NFIX: variants seen among roughly 807,000 people sequenced by gnomAD.
NFIX encodes nuclear factor 1 X-type.
In NFIX, 2 loss-of-function variants were observed where a neutral mutation model predicts 53.3. The observed-to-expected ratio is 0.04, with a 90% CI of 0.02 to 0.12. The LOEUF is 0.12. Among genes scored for constraint, NFIX ranks in the 10% least tolerant of loss-of-function variants. The probability of loss-of-function intolerance (pLI) is 1.00; values close to 1 mark genes in which losing one functional copy is unlikely to be tolerated. For synonymous variants in NFIX, 244 were observed against 289.0 expected, an observed-to-expected ratio of 0.84 and a Z score of 1.58; for missense variants, 310 against 674.5, an observed-to-expected ratio of 0.46 and a Z score of 5.99.
intron 1 of NFIX, among the ~76,000 whole-genome samples, chr19:13,015,916 T>G (rs555260216): frequency 6.6e-6 from 1 of 152,338 alleles, no homozygotes; most frequent in South Asian, 2.1e-4. Flanking sequence ...ATAACACGTG[T>G]ATGCACATAG....
Position 13,067,731 on chromosome 19 carries a change from A to G in NFIX, c.560-5316A>G, listed in dbSNP as rs2016511797. On this transcript the variant is annotated intron_variant, in intron 2 of 10. Transcript: ENST00000592199. The surrounding 1 kb of genome is among the most constrained non-coding windows in gnomAD (Gnocchi z 4.2). ...AGGAGCTGAGGGCAGTGTTGGCTGT[A>G]GCCAGCAGGAATTCCTCCCTCACCC... 6.6e-6 allele frequency among the ~76,000 whole-genome samples: 1 copy of G among 152,128 alleles called. No homozygotes were observed. The highest frequency in any genetic ancestry group is 2.4e-5 in the African/African-American group (1 of 41,420).
At chr19:13,044,172 C>G (rs2014830015) in intron 2 of NFIX, among the ~76,000 whole-genome samples, 1 of 152,174 alleles carries the variant, frequency 6.6e-6, no homozygotes, top group Non-Finnish European at 1.5e-5. Flanking sequence ...CCACAAGAGG[C>G]TTTTGAATTG....
At chr19:13,004,348 A>C (rs1320575669) in intron 1 of NFIX, among the ~76,000 whole-genome samples, 3 of 152,044 alleles carry the variant, frequency 2.0e-5, no homozygotes, top group African/African-American at 7.3e-5. Context: ...AGTGTCACAC[A>C]CACACACTCT....
rs1020330663 is a variant in NFIX at position 13,002,602 on chromosome 19, G to T, written c.27+6738G>T. 5.9e-5 allele frequency among the ~76,000 whole-genome samples: 9 copies of T among 152,210 alleles called. No individual in the cohort carries two copies. Among genetic ancestry groups the T allele is most frequent in the Admixed American group, 5.9e-4 (9 of 15,294 alleles). ...GAGGGGTCGGGGGCACGGAGCTGGG[G>T]TGTCTGGCTTCTGGTGGGGCTGGCA... On this transcript the variant is annotated intron_variant, in intron 1 of 10. Transcript: ENST00000592199. This position sits in a 1 kb window ranked among gnomAD's most constrained non-coding sequence, Gnocchi z 6.1.
intron 8 of NFIX, among the ~76,000 whole-genome samples, chr19:13,086,391 G>A (rs1053879723): frequency 6.6e-6 from 1 of 152,216 alleles, no homozygotes; most frequent in Non-Finnish European, 1.5e-5. Context: ...AGACATGGCT[G>A]TGAATTCCAG....
At position 12,996,270 on chromosome 19, in the gene NFIX, G is replaced by T. The variant is rs559039441; in HGVS notation, c.27+406G>T. Among the ~76,000 whole-genome samples the T allele has an allele frequency of 2.6e-5, 4 of 152,182 alleles. No homozygotes were observed. Among genetic ancestry groups the T allele is most frequent in the African/African-American group, 9.6e-5 (4 of 41,550 alleles). ...GCGTGGTCGCTGGCAGTGTTTGCGGGGTTGACAGAGTGGCAAGAGGGTGGT... is the reference window on the plus strand; with the variant it reads ...GCGTGGTCGCTGGCAGTGTTTGCGGTGTTGACAGAGTGGCAAGAGGGTGGT... On this transcript the variant is annotated intron_variant, in intron 1 of 10. Coordinates refer to ENST00000592199, the MANE Select transcript of NFIX (RefSeq NM_001365902.3). The surrounding 1 kb of genome is among the most constrained non-coding windows in gnomAD (Gnocchi z 5.2).
At position 13,009,229 on chromosome 19, in the gene NFIX, C is replaced by T. The variant is rs1257665112; in HGVS notation, c.27+13365C>T. 6.6e-6 allele frequency among the ~76,000 whole-genome samples: 1 copy of T among 152,278 alleles called. No homozygotes were observed. The highest frequency in any genetic ancestry group is 1.5e-5 in the Non-Finnish European group (1 of 68,026). ...GCCAGCCTCACGCGATCACACCAAG[C>T]GTCACAGCTTGTCACAGCCATAGAT... On this transcript the variant is annotated intron_variant, in intron 1 of 10. Coordinates refer to ENST00000592199, the MANE Select transcript of NFIX (RefSeq NM_001365902.3). The surrounding 1 kb of genome is among the most constrained non-coding windows in gnomAD (Gnocchi z 4.7).
rs779230916 is a variant in NFIX at position 13,078,607 on chromosome 19, C to T, written c.956-6C>T. 1 of 1,598,330 alleles carries T rather than the reference C, an allele frequency of 6.3e-7. No homozygotes were observed. On this transcript the variant is annotated splice_region_variant and splice_polypyrimidine_tract_variant and intron_variant, in intron 6 of 10. Transcript: ENST00000592199. This position sits in a 1 kb window ranked among gnomAD's most constrained non-coding sequence, Gnocchi z 4.7. ...CCTGCCCTGTGTTGCTGCTTCCTCCCCCCAGGCCCGGCTTCTCTAAAGAAG... is the reference window on the plus strand; with the variant it reads ...CCTGCCCTGTGTTGCTGCTTCCTCCTCCCAGGCCCGGCTTCTCTAAAGAAG...
rs985315599 is a variant in NFIX, at chr19:13,024,801, G to A, written c.28-220G>A. The stretch of plus-strand genomic sequence containing the variant: ...TCTGTCTGGCTGCTGAGGCTGAGAT[G>A]GGAGCAAGTGGCTGGCGAAGCTGGT... On this transcript the variant is annotated intron_variant, in intron 1 of 10. Transcript: ENST00000592199. 6 of 1,422,886 alleles carry A rather than the reference G, an allele frequency of 4.2e-6. No homozygotes were observed. In the African/African-American group the frequency reaches 8.5e-5, roughly 20 times the overall value. 88.1% of individuals were successfully genotyped at this position (1,422,886 alleles called of 1,614,324 possible). A position where few individuals can be genotyped will look rare whatever the true frequency, so the allele number is the denominator to read the frequency against.
intron 2 of NFIX, among the ~76,000 whole-genome samples, chr19:13,056,013 G>A (rs984672442): frequency 6.6e-6 from 1 of 152,192 alleles, no homozygotes; most frequent in Non-Finnish European, 1.5e-5. Flanking sequence ...TGTGGGGTGC[G>A]GTTTCGCAGG....
chr19:13,010,203 G>A (rs2076876675), intron 1 of NFIX, among the ~76,000 whole-genome samples: 1 of 152,198 alleles, frequency 6.6e-6, no homozygotes, highest in South Asian at 2.1e-4. Context: ...CCGGGCGGGC[G>A]GCCGGCCCTG....
chr19:13,017,005 G>C (rs1379265045), intron 1 of NFIX, among the ~76,000 whole-genome samples: 1 of 152,162 alleles, frequency 6.6e-6, no homozygotes, highest in Non-Finnish European at 1.5e-5. Context: ...TGATTCAACA[G>C]AGCGAGGGCG....
In NFIX at chr19:13,096,868, A is replaced by C. The variant is rs1252657609; in HGVS notation, c.*2219A>C. ...GCCCGGCGGGGCTGCCCGGGCGGGC[A>C]GGGGGTGGGGGCTGCTCCTTTCCCA... On this transcript the variant is annotated 3_prime_UTR_variant, in exon 11 of 11. Transcript: ENST00000592199. 1.4e-5 allele frequency: 2 copies of C among 143,448 alleles called. No individual in the cohort carries two copies. The highest frequency in any genetic ancestry group is 3.0e-5 in the Non-Finnish European group (2 of 65,588). 8.9% of individuals were successfully genotyped at this position (143,448 alleles called of 1,614,324 possible).
At chr19:13,076,407 G>A (rs1476261380) in intron 6 of NFIX, among the ~76,000 whole-genome samples, 1 of 152,188 alleles carries the variant, frequency 6.6e-6, no homozygotes, top group African/African-American at 2.4e-5. Flanking sequence ...TTGACTGAGG[G>A]TGCAGACAGA....
chr19:13,095,754 C>T lies in NFIX; in HGVS notation c.*1105C>T, dbSNP rs2018409875. The T allele has an allele frequency of 6.6e-6, 1 of 152,294 alleles. No individual in the cohort carries two copies. The highest frequency in any genetic ancestry group is 1.9e-4 in the East Asian group (1 of 5,196). 9.4% of individuals were successfully genotyped at this position (152,294 alleles called of 1,614,324 possible). On this transcript the variant is annotated 3_prime_UTR_variant, in exon 11 of 11. Coordinates refer to ENST00000592199, the MANE Select transcript of NFIX (RefSeq NM_001365902.3). ...GGTAGGCGTCCTGCTCGCCGACTTT[C>T]AGTTCCTTGGGAGGGTGTTGGGTGT...
intron 2 of NFIX, among the ~76,000 whole-genome samples, chr19:13,054,755 A>C (rs28412508): frequency 0.08 from 12,213 of 152,098 alleles, 910 homozygotes; most frequent in African/African-American, 0.19. Flanking sequence ...TAGAGCCCTG[A>C]AAATAGCAGA....
chr19:13,061,955 G>A (rs2016118550), intron 2 of NFIX, among the ~76,000 whole-genome samples: 1 of 152,128 alleles, frequency 6.6e-6, no homozygotes, highest in South Asian at 2.1e-4. Flanking sequence ...AGGGCTCTAT[G>A]CAGCACTCGG....
At chr19:13,042,693 G>T (rs2014719969) in intron 2 of NFIX, among the ~76,000 whole-genome samples, 1 of 152,038 alleles carries the variant, frequency 6.6e-6, no homozygotes, top group Non-Finnish European at 1.5e-5. Flanking sequence ...AGCTTCATGA[G>T]ATTTCATCAT....
At position 13,001,318 on chromosome 19, in the gene NFIX, C is replaced by T. The variant is rs1312767137; in HGVS notation, c.27+5454C>T. 1.3e-5 allele frequency among the ~76,000 whole-genome samples: 2 copies of T among 152,176 alleles called. No homozygotes were observed. Among genetic ancestry groups the T allele is most frequent in the Non-Finnish European group, 2.9e-5 (2 of 68,042 alleles). ...CCCTCTCCATGCCTCTCCATGTCTC[C>T]CAGCGTCCATCACTGGGTGCTACCT... On this transcript the variant is annotated intron_variant, in intron 1 of 10. Coordinates refer to ENST00000592199, the MANE Select transcript of NFIX (RefSeq NM_001365902.3). The surrounding 1 kb of genome is among the most constrained non-coding windows in gnomAD (Gnocchi z 6.5).
Sources: allele counts gnomAD v4.1 joint callset (sites outside exome capture counted in the v4.1 genomes callset), GRCh38; gene constraint gnomAD v4.1.1; non-coding constraint Gnocchi (gnomAD v3.1); transcripts MANE v1.5; gene names NCBI Gene and HGNC (gene_info 2026-07-23, HGNC 2026-07-21).